Variants in TRHDE observed in about 807,000 individuals in gnomAD.
TRHDE encodes thyrotropin releasing hormone degrading enzyme, also known as thyrotropin-releasing hormone-degrading ectoenzyme.
A neutral mutation model predicts 125.7 loss-of-function variants in TRHDE; 72 were observed. That is an observed-to-expected ratio of 0.57 (90% CI 0.47 to 0.70). The LOEUF (loss-of-function observed/expected upper bound fraction) is 0.70, where lower values mean the gene tolerates loss of function less well. Among genes scored for constraint, TRHDE ranks in the 30% least tolerant of loss-of-function variants. TRHDE has a pLI of 0.00. For synonymous variants in TRHDE, 509 were observed against 509.1 expected, an observed-to-expected ratio of 1.00 and a Z score of 0.00; for missense variants, 1,110 against 1,327.1, an observed-to-expected ratio of 0.84 and a Z score of 2.54.
At chr12:72,494,093 A>G (rs1476356242) in intron 5 of TRHDE, among the ~76,000 whole-genome samples, 1 of 152,020 alleles carries the variant, frequency 6.6e-6, no homozygotes, top group African/African-American at 2.4e-5. Context: ...ATATTTGTAG[A>G]ACTAATTATC....
At chr12:72,634,462 A>G (rs188649520) in intron 15 of TRHDE, among the ~76,000 whole-genome samples, 411 of 150,074 alleles carry the variant, frequency 2.7e-3, no homozygotes, top group Admixed American at 6.7e-3. Flanking sequence ...TTTTAATTGG[A>G]TGCTAGTTTC....
intron 2 of TRHDE, among the ~76,000 whole-genome samples, chr12:72,329,948 G>A (rs116680960): frequency 6.8e-4 from 103 of 152,200 alleles, no homozygotes; most frequent in African/African-American, 2.5e-3. Context: ...GAGAGATGAG[G>A]GATGAACGTG....
chr12:72,423,720 G>A (rs933231454), intron 3 of TRHDE, among the ~76,000 whole-genome samples: 11 of 152,216 alleles, frequency 7.2e-5, no homozygotes, highest in East Asian at 1.9e-4. Flanking sequence ...CTAAGGTTGC[G>A]TATCAGTTTA....
In TRHDE at chr12:72,582,500, C is replaced by T. The variant is rs531108648; in HGVS notation, c.2321+6958C>T. ...GTGTCTTCTGGATGGCTCTCTTGTA[C>T]CTCGTTTAAGGTTTCTCTTGCAAAA... On this transcript the variant is annotated intron_variant, in intron 12 of 18. Transcript: ENST00000261180. 2.3e-3 allele frequency: 2,273 copies of T among 985,270 alleles called. 6 individuals carry two copies. The highest frequency in any genetic ancestry group is 2.6e-3 in the Non-Finnish European group (2,123 of 829,900). The allele number at this position is 985,270 out of a possible 1,614,324, so 61.0% of individuals were successfully genotyped here.
chr12:72,416,425 T>C (rs968419871), intron 3 of TRHDE, among the ~76,000 whole-genome samples: 4 of 152,002 alleles, frequency 2.6e-5, no homozygotes, highest in African/African-American at 4.8e-5. Context: ...TTTTTTTCTC[T>C]GTGCTTTTGA....
chr12:72,637,791 A>G (rs1873832752), intron 15 of TRHDE, among the ~76,000 whole-genome samples: 1 of 152,082 alleles, frequency 6.6e-6, no homozygotes, highest in Non-Finnish European at 1.5e-5. Context: ...CAGGTTGTTC[A>G]GTTTCCATGT....
chr12:72,465,740 T>C (rs1197049116), intron 3 of TRHDE, among the ~76,000 whole-genome samples: 1 of 152,238 alleles, frequency 6.6e-6, no homozygotes, highest in Non-Finnish European at 1.5e-5. Flanking sequence ...ACCTATCATA[T>C]AAGATTCCTT....
At chr12:72,366,489 G>C (rs1871343222) in intron 2 of TRHDE, among the ~76,000 whole-genome samples, 1 of 152,026 alleles carries the variant, frequency 6.6e-6, no homozygotes, top group African/African-American at 2.4e-5. Context: ...GAGTGGACAA[G>C]TACCTTCAAA....
At chr12:72,623,924 G>A (rs139138968) in intron 15 of TRHDE, among the ~76,000 whole-genome samples, 160 of 151,942 alleles carry the variant, frequency 1.1e-3, no homozygotes, top group African/African-American at 3.1e-3. Flanking sequence ...ATGAAATTTG[G>A]GCCAAACAAG....
At chr12:72,293,768 A>G (rs1191920317) in intron 2 of TRHDE, among the ~76,000 whole-genome samples, 1 of 152,086 alleles carries the variant, frequency 6.6e-6, no homozygotes, top group Non-Finnish European at 1.5e-5. Flanking sequence ...GGCCAATGGC[A>G]CTTTTGCCTG....
intron 2 of TRHDE, among the ~76,000 whole-genome samples, chr12:72,115,079 T>C (rs1291895226): frequency 2.0e-5 from 3 of 152,124 alleles, no homozygotes; most frequent in African/African-American, 7.2e-5. Context: ...CCTTTCTTTG[T>C]GTTGCAAACA....
intron 12 of TRHDE, among the ~76,000 whole-genome samples, chr12:72,592,307 T>C (rs1040546156): frequency 1.3e-5 from 2 of 152,202 alleles, no homozygotes; most frequent in African/African-American, 4.8e-5. Flanking sequence ...TTTTTATATG[T>C]TTCTATATTT....
At chr12:72,446,150 C>CTTTTTTTT (rs34777250) in intron 3 of TRHDE, among the ~76,000 whole-genome samples, 2 of 133,290 alleles carry the variant, frequency 1.5e-5, no homozygotes, top group Non-Finnish European at 1.6e-5. Flanking sequence ...TTGTGCATTT[C>CTTTTTTTT]TTTTTTTTTT....
intron 6 of TRHDE, among the ~76,000 whole-genome samples, chr12:72,536,851 A>G (rs891428236): frequency 6.6e-6 from 1 of 152,024 alleles, no homozygotes; most frequent in Admixed American, 6.6e-5. Context: ...CATTTCAACT[A>G]TGTCCCATTG....
intron 15 of TRHDE, among the ~76,000 whole-genome samples, chr12:72,624,374 T>C (rs1339447990): frequency 2.0e-5 from 3 of 151,902 alleles, no homozygotes; most frequent in Non-Finnish European, 4.4e-5. Flanking sequence ...ATACTAGAGG[T>C]AATGTAGTAG....
intron 5 of TRHDE, among the ~76,000 whole-genome samples, chr12:72,489,329 C>T (rs1279176027): frequency 6.6e-6 from 1 of 150,458 alleles, no homozygotes; most frequent in African/African-American, 2.4e-5. Flanking sequence ...GAACAGATAA[C>T]TCAGAAATAA....
intron 2 of TRHDE, among the ~76,000 whole-genome samples, chr12:72,155,959 T>C (rs1876496095): frequency 6.6e-6 from 1 of 152,226 alleles, no homozygotes; most frequent in Non-Finnish European, 1.5e-5. Context: ...GAGTTTTCTG[T>C]TGCCTTTTGT....
rs375564543 is a variant in TRHDE at position 72,472,111 on chromosome 12, C to T, written c.1471-956C>T. Among the ~76,000 whole-genome samples the T allele has an allele frequency of 3.9e-5, 6 of 152,250 alleles. No homozygotes were observed. In the East Asian group the frequency reaches 7.7e-4, roughly 20 times the overall value. On this transcript the variant is annotated intron_variant, in intron 4 of 18. Coordinates refer to ENST00000261180, the MANE Select transcript of TRHDE (RefSeq NM_013381.3). Reference sequence around the variant, plus strand: ...TTTGCTTTTACAATGTAAAGCAGTTCCTCCCTCATTCCTGTAGCAGTTTGT... The same window carrying T: ...TTTGCTTTTACAATGTAAAGCAGTTTCTCCCTCATTCCTGTAGCAGTTTGT...
chr12:72,505,616 A>G (rs77458217), intron 6 of TRHDE, among the ~76,000 whole-genome samples: 4,973 of 152,308 alleles, frequency 0.033, 99 homozygotes, highest in Middle Eastern at 0.075. Context: ...CGTGGTTAGT[A>G]TATCTGTACA....
Sources: allele counts gnomAD v4.1 joint callset (sites outside exome capture counted in the v4.1 genomes callset), GRCh38; gene constraint gnomAD v4.1.1; transcripts MANE v1.5; gene names NCBI Gene and HGNC (gene_info 2026-07-23, HGNC 2026-07-21).